PSD3: variants seen among roughly 807,000 people sequenced by gnomAD.
PSD3 encodes the protein PH and SEC7 domain-containing protein 3.
PSD3 carries 49 observed loss-of-function variants against 105.5 expected under a neutral mutation model. The ratio of observed to expected loss-of-function variants is 0.46; its 90% CI spans 0.37 to 0.59. The LOEUF is 0.59. Among genes scored for constraint, PSD3 ranks in the 20% least tolerant of loss-of-function variants. The pLI, the probability that PSD3 is intolerant of heterozygous loss-of-function variation, is 0.00. For synonymous variants in PSD3, 557 were observed against 457.8 expected, an observed-to-expected ratio of 1.22 and a Z score of -2.77; for missense variants, 1,561 against 1,263.8, an observed-to-expected ratio of 1.24 and a Z score of -3.57.
At chr8:18,808,830 C>G (rs368803306) in intron 4 of PSD3, 3 of 1,612,314 alleles carry the variant, frequency 1.9e-6, no homozygotes, top group Middle Eastern at 3.3e-4. Flanking sequence ...CTCTCCGAAG[C>G]CCCGTCCAGT....
upstream of PSD3, chr8:19,014,287 G>C (rs1384600476): frequency 6.6e-6 from 1 of 152,206 alleles, no homozygotes; most frequent in East Asian, 1.9e-4. The surrounding 1 kb of genome is among the most constrained non-coding windows in gnomAD (Gnocchi z 4.9). Flanking sequence ...CGGCCGGAGC[G>C]TTTAGTCCCG....
rs187840211 is a variant in PSD3 at position 18,788,265 on chromosome 8, C to A, written c.2082+11030G>T. On this transcript the variant is annotated intron_variant, in intron 8 of 15. Transcript: ENST00000327040. ...AAAGGGCACTTTCCCCTGACCATAA[C>A]AGAGAAGCAGCTCCCAACTTCTGTT... 2.6e-5 allele frequency among the ~76,000 whole-genome samples: 4 copies of A among 152,294 alleles called. No individual in the cohort carries two copies. In the East Asian group the frequency reaches 7.7e-4, roughly 29 times the overall value.
intron 4 of PSD3, among the ~76,000 whole-genome samples, chr8:18,863,420 G>A (rs1816599752): frequency 6.6e-6 from 1 of 152,300 alleles, no homozygotes; most frequent in East Asian, 1.9e-4. Flanking sequence ...CAGCCTGAGG[G>A]CCATGTAGCT....
At chr8:18,745,428 G>A (rs905301649) in intron 9 of PSD3, among the ~76,000 whole-genome samples, 5 of 151,972 alleles carry the variant, frequency 3.3e-5, no homozygotes, top group Non-Finnish European at 7.4e-5. Flanking sequence ...CTATCACTTT[G>A]TTGCTCAAAT....
At chr8:18,881,253 T>C (rs1818083501) in intron 2 of PSD3, among the ~76,000 whole-genome samples, 1 of 152,192 alleles carries the variant, frequency 6.6e-6, no homozygotes. Context: ...AGATGAATTT[T>C]AGGAGTGCTT....
chr8:18,788,321 A>G (rs1271990441), intron 8 of PSD3, among the ~76,000 whole-genome samples: 1 of 152,232 alleles, frequency 6.6e-6, no homozygotes, highest in African/African-American at 2.4e-5. Context: ...GAAAATGAAG[A>G]TGGAGAATTT....
In PSD3 at chr8:18,899,656, G is replaced by C. The variant is rs192323735; in HGVS notation, c.131-26923C>G. ...ACTCATAGAGTTCTGGGTGGCTAAG[G>C]GTATTGTCCTATATCAAAAGAACTT... On this transcript the variant is annotated intron_variant, in intron 2 of 15. Transcript: ENST00000327040. 1.3e-4 allele frequency among the ~76,000 whole-genome samples: 20 copies of C among 152,054 alleles called. No homozygotes were observed. The East Asian group carries it at 3.7e-3, about 28-fold the overall frequency.
At chr8:18,887,027 T>C (rs1238679908) in intron 2 of PSD3, 1 of 152,256 alleles carries the variant, frequency 6.6e-6, no homozygotes, top group South Asian at 2.1e-4. Context: ...AATGTAACCA[T>C]GTCCCCCAGT....
chr8:18,860,524 G>A (rs1233703525), intron 4 of PSD3, among the ~76,000 whole-genome samples: 1 of 152,004 alleles, frequency 6.6e-6, no homozygotes, highest in Non-Finnish European at 1.5e-5. Flanking sequence ...AGGTTTGCCT[G>A]TAGCTCTGTA....
At chr8:19,006,294 C>CA (rs58023537) in intron 1 of PSD3, among the ~76,000 whole-genome samples, 3,427 of 80,452 alleles carry the variant, frequency 0.043, 139 homozygotes, top group African/African-American at 0.085. Context: ...AACTCCATCT[C>CA]AAAAAAAAAA....
At chr8:18,912,013 C>T (rs192779251) in intron 2 of PSD3, among the ~76,000 whole-genome samples, 1 of 152,292 alleles carries the variant, frequency 6.6e-6, no homozygotes, top group African/African-American at 2.4e-5. Flanking sequence ...ATGACTCCAA[C>T]AAGAATGATT....
At chr8:18,662,276 C>G (rs1274234249) in intron 9 of PSD3, among the ~76,000 whole-genome samples, 1 of 152,070 alleles carries the variant, frequency 6.6e-6, no homozygotes, top group Non-Finnish European at 1.5e-5. Flanking sequence ...ATTCCAGAGG[C>G]TAGGGAGGCA....
At chr8:18,845,859 A>G (rs1269443460) in intron 4 of PSD3, among the ~76,000 whole-genome samples, 1 of 152,242 alleles carries the variant, frequency 6.6e-6, no homozygotes, top group Non-Finnish European at 1.5e-5. Context: ...TACTGAAGTT[A>G]CTGTTTGGAA....
chr8:18,870,858 G>A (rs1394867735), intron 3 of PSD3, among the ~76,000 whole-genome samples: 1 of 152,126 alleles, frequency 6.6e-6, no homozygotes, highest in African/African-American at 2.4e-5. Context: ...CCACCACTTA[G>A]GGAGGCCAAG....
chr8:18,791,211 T>C (rs1042060221), intron 8 of PSD3, among the ~76,000 whole-genome samples: 2 of 152,188 alleles, frequency 1.3e-5, no homozygotes, highest in Non-Finnish European at 2.9e-5. Context: ...CTTCTTCATT[T>C]AATTAGAAAA....
At chr8:18,909,022 T>G (rs902910256) in intron 2 of PSD3, among the ~76,000 whole-genome samples, 1 of 152,208 alleles carries the variant, frequency 6.6e-6, no homozygotes, top group African/African-American at 2.4e-5. Context: ...TCTACTCATT[T>G]TAACCAACTC....
intron 4 of PSD3, among the ~76,000 whole-genome samples, chr8:18,866,917 T>C (rs912551621): frequency 1.3e-5 from 2 of 149,288 alleles, no homozygotes; most frequent in African/African-American, 2.5e-5. Flanking sequence ...CACACACACA[T>C]ATACCAAAAC....
chr8:18,925,821 G>A (rs4921971), intron 2 of PSD3, among the ~76,000 whole-genome samples: 6,084 of 152,172 alleles, frequency 0.04, 289 homozygotes, highest in East Asian at 0.17. Context: ...ATCCTTAGAG[G>A]ACTCACTTCC....
intron 14 of PSD3, among the ~76,000 whole-genome samples, chr8:18,569,388 T>C (rs1802005057): frequency 6.7e-6 from 1 of 149,120 alleles, no homozygotes; most frequent in South Asian, 2.2e-4. Context: ...GACTTTTTAA[T>C]GATTGCCATT....
Sources: gnomAD v4.1 joint callset for allele counts (sites outside exome capture counted in the v4.1 genomes callset) on GRCh38, gnomAD v4.1.1 for gene constraint, Gnocchi (gnomAD v3.1) non-coding constraint, MANE v1.5 for transcripts, NCBI Gene and HGNC (gene_info 2026-07-23, HGNC 2026-07-21) for gene names.